The following RYR3 variants were observed in gnomAD, a reference collection of about 807,000 sequenced individuals.
The protein encoded by RYR3 is brain ryanodine receptor-calcium release channel.
Under a neutral mutation model 584.3 loss-of-function variants are expected in RYR3, and 207 were observed. The observed-to-expected ratio is 0.35, with a 90% CI of 0.32 to 0.40. The LOEUF (loss-of-function observed/expected upper bound fraction) is 0.40, where lower values mean the gene tolerates loss of function less well. Among genes scored for constraint, RYR3 ranks in the 10% least tolerant of loss-of-function variants. The pLI is 1.00. For missense variants in RYR3, 5,616 were observed against 6,089.2 expected (o/e 0.92, Z 2.59); for synonymous variants, 2,416 against 2,248.5 (o/e 1.07, Z -2.11).
chr15:33,327,002 A>AG, intron 1 of RYR3, among the ~76,000 whole-genome samples: 1 of 109,280 alleles, frequency 9.2e-6, no homozygotes, highest in African/African-American at 5.3e-5. Context: ...CTTAGGGTGT[A>AG]GTTTAAAAAA....
chr15:33,757,190 C>T (rs1475887738), intron 59 of RYR3, among the ~76,000 whole-genome samples: 1 of 152,154 alleles, frequency 6.6e-6, no homozygotes, highest in African/African-American at 2.4e-5. Context: ...CCCAAGAAGC[C>T]CTATCTGAGT....
chr15:33,811,621 T>TTACAAAGAGGA (rs56244271), intron 72 of RYR3, among the ~76,000 whole-genome samples: 117,106 of 151,338 alleles, frequency 0.77, 45,407 homozygotes, highest in South Asian at 0.81. Context: ...ACAAAGAGGA[T>TTACAAAGAGGA]TACAAAGAGG....
intron 2 of RYR3, among the ~76,000 whole-genome samples, chr15:33,483,165 C>G (rs2050122887): frequency 6.6e-6 from 1 of 151,962 alleles, no homozygotes; most frequent in South Asian, 2.1e-4. Context: ...TCTTTCTCCT[C>G]CATTATTCTT....
intron 1 of RYR3, among the ~76,000 whole-genome samples, chr15:33,326,709 G>A (rs1969746940): frequency 6.6e-6 from 1 of 151,386 alleles, no homozygotes; most frequent in Admixed American, 6.6e-5. Context: ...GTACATGGAA[G>A]ACTGACTGTG....
intron 1 of RYR3, among the ~76,000 whole-genome samples, chr15:33,420,947 G>A (rs1231578184): frequency 6.6e-6 from 1 of 152,076 alleles, no homozygotes; most frequent in Admixed American, 6.6e-5. Flanking sequence ...GTGTGCTGGA[G>A]ACTGAGGAGG....
chr15:33,689,458 C>T (rs2152753473), intron 38 of RYR3, among the ~76,000 whole-genome samples: 1 of 152,270 alleles, frequency 6.6e-6, no homozygotes, highest in South Asian at 2.1e-4. Context: ...CAGATGCACA[C>T]ACACATACAG....
intron 94 of RYR3, chr15:33,852,465 T>G (rs976284341): frequency 6.5e-6 from 1 of 154,478 alleles, no homozygotes; most frequent in Admixed American, 6.3e-5. Flanking sequence ...ATCCAACTCC[T>G]GGAGGAAAGC....
chr15:33,596,108 C>G (rs2059358606), intron 16 of RYR3, among the ~76,000 whole-genome samples: 1 of 147,356 alleles, frequency 6.8e-6, no homozygotes, highest in Admixed American at 6.7e-5. Flanking sequence ...TTATAACTTT[C>G]TTTACGTCTT....
At chr15:33,466,149 G>GC (rs1468001464) in intron 1 of RYR3, among the ~76,000 whole-genome samples, 1 of 152,088 alleles carries the variant, frequency 6.6e-6, no homozygotes, top group Non-Finnish European at 1.5e-5. Flanking sequence ...AAATACACCT[G>GC]TTTTTTAAAG....
At chr15:33,661,108 C>T (rs1243655143) in intron 34 of RYR3, among the ~76,000 whole-genome samples, 5 of 152,088 alleles carry the variant, frequency 3.3e-5, no homozygotes, top group Admixed American at 6.5e-5. Context: ...CCCATTGGGT[C>T]ACGAGCAGCA....
At chr15:33,533,992 A>G (rs2055105824) in intron 5 of RYR3, among the ~76,000 whole-genome samples, 1 of 152,248 alleles carries the variant, frequency 6.6e-6, no homozygotes, top group Non-Finnish European at 1.5e-5. Context: ...AAGTAAAATA[A>G]TGAAAACCAT....
intron 1 of RYR3, among the ~76,000 whole-genome samples, chr15:33,396,630 C>A (rs1450893301): frequency 1.3e-5 from 2 of 152,222 alleles, no homozygotes; most frequent in African/African-American, 2.4e-5. Context: ...TGCCTGTGTA[C>A]AAATCTAATG....
intron 5 of RYR3, among the ~76,000 whole-genome samples, chr15:33,537,303 G>A (rs2055411222): frequency 6.6e-6 from 1 of 152,178 alleles, no homozygotes; most frequent in Non-Finnish European, 1.5e-5. Context: ...GGGAATTTCT[G>A]TTGCCTTGCC....
intron 1 of RYR3, among the ~76,000 whole-genome samples, chr15:33,338,392 A>G (rs545191575): frequency 5.9e-5 from 9 of 152,312 alleles, no homozygotes; most frequent in East Asian, 5.8e-4. Flanking sequence ...GCATTTTTAC[A>G]TAAGATGACA....
chr15:33,579,999 C>T lies in RYR3; in HGVS notation c.1292C>T (p.Pro431Leu), dbSNP rs1567585318. The change falls in exon 13 of 104, where the codon CCC becomes CTC. Residue 431 changes from proline (P) to leucine (L), a missense_variant. Physicochemically the swap from Pro to Leu is moderately conservative, Grantham distance 98. This residue lies in a region of RYR3 where 1,284 missense variants were observed against 1,344.6 expected (regional missense o/e 0.95). Coordinates refer to ENST00000634891, the MANE Select transcript of RYR3 (RefSeq NM_001036.6). ...FVSGNNRTAA[P>L]ITLPIEEVLQ... ...AGCGGAAACAATCGCACAGCTGCCC[C>T]CATCACCCTGCCTATAGAAGAAGTC... The T allele has an allele frequency of 6.2e-7, 1 of 1,612,382 alleles. No homozygotes were observed. Among genetic ancestry groups the T allele is most frequent in the Non-Finnish European group, 8.5e-7 (1 of 1,179,140 alleles).
intron 3 of RYR3, among the ~76,000 whole-genome samples, chr15:33,522,525 C>T (rs1025357510): frequency 6.6e-6 from 1 of 152,156 alleles, no homozygotes; most frequent in Non-Finnish European, 1.5e-5. Context: ...AGTTGAAAAT[C>T]AAGGTGTCAA....
Position 33,675,091 on chromosome 15 carries a change from G to A in RYR3, c.5860+4535G>A, listed in dbSNP as rs548472710. On this transcript the variant is annotated intron_variant, in intron 38 of 103. Transcript: ENST00000634891. ...GCCTGGGTGACAGAGCGAAAATTCT[G>A]TCTCAAAAATCCAGCAGCTAAACCG... Among the ~76,000 whole-genome samples, 9 of 152,274 alleles carry A rather than the reference G, an allele frequency of 5.9e-5. No individual in the cohort carries two copies. The South Asian group carries it at 1.9e-3, about 32-fold the overall frequency.
At chr15:33,744,489 G>A (rs1041768541) in intron 52 of RYR3, among the ~76,000 whole-genome samples, 1 of 152,176 alleles carries the variant, frequency 6.6e-6, no homozygotes, top group Non-Finnish European at 1.5e-5. Context: ...TCATGATCTT[G>A]TGGGAGAAAC....
chr15:33,394,758 TG>T (rs1224285335), intron 1 of RYR3, among the ~76,000 whole-genome samples: 1 of 152,234 alleles, frequency 6.6e-6, no homozygotes, highest in Non-Finnish European at 1.5e-5. Flanking sequence ...GTGCTGATTC[TG>T]TTTTTCACAA....
Sources: allele counts gnomAD v4.1 joint callset (sites outside exome capture counted in the v4.1 genomes callset), GRCh38; gene constraint gnomAD v4.1.1; regional missense constraint gnomAD v4.1.1; transcripts MANE v1.5; gene names NCBI Gene and HGNC (gene_info 2026-07-23, HGNC 2026-07-21).